The following PDE4B variants were observed in gnomAD, a reference collection of about 807,000 sequenced individuals.
PDE4B encodes the protein phosphodiesterase 4B.
Under a neutral mutation model 82.2 loss-of-function variants are expected in PDE4B, and 20 were observed. That is an observed-to-expected ratio of 0.24 (90% CI 0.17 to 0.35). The LOEUF (loss-of-function observed/expected upper bound fraction) is 0.35, where lower values mean the gene tolerates loss of function less well. Among genes scored for constraint, PDE4B ranks in the 10% least tolerant of loss-of-function variants. The pLI is 1.00. For missense variants in PDE4B, 655 were observed against 907.2 expected (o/e 0.72, Z 3.57); for synonymous variants, 320 against 318.9 (o/e 1.00, Z -0.04).
Position 66,354,149 on chromosome 1 carries a change from A to C in PDE4B, c.748-1378A>C, listed in dbSNP as rs192349862. On this transcript the variant is annotated intron_variant, in intron 8 of 16. Coordinates refer to ENST00000341517, the MANE Select transcript of PDE4B (RefSeq NM_002600.4). The stretch of plus-strand genomic sequence containing the variant: ...AAAAATTCTTGTGTACTGGCAGCCT[A>C]GTCTAAAAACAGCCATGGTCCTAAC... Among the ~76,000 whole-genome samples the C allele has an allele frequency of 9.8e-5, 15 of 152,326 alleles. No individual in the cohort carries two copies. The East Asian group carries it at 2.1e-3, about 22-fold the overall frequency.
At chr1:66,169,372 T>A (rs74084643) in intron 3 of PDE4B, among the ~76,000 whole-genome samples, 3,238 of 152,126 alleles carry the variant, frequency 0.021, 108 homozygotes, top group African/African-American at 0.075. Flanking sequence ...GTCAGGGGAG[T>A]TGGCACCAAA....
chr1:66,134,798 G>A (rs1244804931), intron 3 of PDE4B, among the ~76,000 whole-genome samples: 14 of 152,176 alleles, frequency 9.2e-5, no homozygotes. Context: ...TGTGTGCCAT[G>A]TGCCAAATAC....
chr1:66,176,884 T>G (rs1646941147), intron 3 of PDE4B, among the ~76,000 whole-genome samples: 1 of 152,248 alleles, frequency 6.6e-6, no homozygotes, highest in Non-Finnish European at 1.5e-5. Flanking sequence ...AGTGCTACTC[T>G]CTTTTGCTCT....
chr1:65,808,251 A>G (rs1480284692), intron 1 of PDE4B, among the ~76,000 whole-genome samples: 1 of 150,712 alleles, frequency 6.6e-6, no homozygotes, highest in Non-Finnish European at 1.5e-5. Context: ...AGCTCACTAT[A>G]ACCTTCAACT....
At chr1:66,338,989 A>C (rs1660747556) in intron 8 of PDE4B, among the ~76,000 whole-genome samples, 1 of 148,128 alleles carries the variant, frequency 6.8e-6, no homozygotes, top group African/African-American at 2.5e-5. Flanking sequence ...ACTGCACTCC[A>C]GCCTGGGCGA....
intron 8 of PDE4B, 62 bp downstream of exon 8, chr1:66,332,682 C>T: frequency 6.6e-6 from 9 of 1,368,762 alleles, no homozygotes; most frequent in African/African-American, 1.4e-5. Context: ...GCTCCCCTCA[C>T]CCCTGTCTGC....
intron 8 of PDE4B, among the ~76,000 whole-genome samples, chr1:66,338,584 C>A (rs999088198): frequency 1.3e-5 from 2 of 152,172 alleles, no homozygotes; most frequent in African/African-American, 4.8e-5. Flanking sequence ...TATTTCAGAT[C>A]AATTTGCTCA....
chr1:66,023,101 C>A (rs1653233297), intron 3 of PDE4B, among the ~76,000 whole-genome samples: 1 of 152,002 alleles, frequency 6.6e-6, no homozygotes, highest in Non-Finnish European at 1.5e-5. Flanking sequence ...GGAGAGCTCC[C>A]AATAGCCTCT....
At chr1:66,131,321 G>A (rs1239430492) in intron 3 of PDE4B, among the ~76,000 whole-genome samples, 1 of 151,766 alleles carries the variant, frequency 6.6e-6, no homozygotes, top group East Asian at 1.9e-4. Flanking sequence ...ATTCCACTAA[G>A]CAGCTACTTA....
At chr1:65,918,474 A>G in intron 2 of PDE4B, 123 bp from the exon 3 acceptor site, 1 of 633,992 alleles carries the variant, frequency 1.6e-6, no homozygotes, top group Non-Finnish European at 2.8e-6. Flanking sequence ...TTAGATTCTG[A>G]TTGTGAGATA....
chr1:66,154,846 A>G (rs925850545), intron 3 of PDE4B, among the ~76,000 whole-genome samples: 1 of 152,198 alleles, frequency 6.6e-6, no homozygotes, highest in Non-Finnish European at 1.5e-5. Flanking sequence ...TTGTGGTTGC[A>G]GAATGCAGAC....
chr1:66,175,587 C>T (rs1203560092), intron 3 of PDE4B, among the ~76,000 whole-genome samples: 1 of 152,180 alleles, frequency 6.6e-6, no homozygotes, highest in South Asian at 2.1e-4. Flanking sequence ...ACATTTAAGA[C>T]TTTAAAAAAA....
chr1:66,266,069 T>G lies in PDE4B; in HGVS notation c.616T>G (p.Ser206Ala). Reference protein sequence around the residue: ...RSPAASQPPVSRVNPQEESYQ... With the variant: ...RSPAASQPPVARVNPQEESYQ... ...CCCAGCTGCTAGTCAGCCTCCTGTCTCCAGAGTCAACCCACAAGGTAGGCC... is the reference window on the plus strand; with the variant it reads ...CCCAGCTGCTAGTCAGCCTCCTGTCGCCAGAGTCAACCCACAAGGTAGGCC... The change falls in exon 7 of 17, where the codon TCC becomes GCC. Residue 206 changes from serine to alanine, a missense_variant. Transcript: ENST00000341517. 1.2e-6 allele frequency: 2 copies of G among 1,613,196 alleles called. No homozygotes were observed. The highest frequency in any genetic ancestry group is 1.7e-6 in the Non-Finnish European group (2 of 1,179,178).
intron 7 of PDE4B, among the ~76,000 whole-genome samples, chr1:66,297,940 T>G (rs1657625609): frequency 6.6e-6 from 1 of 152,194 alleles, no homozygotes. Flanking sequence ...ACTAGGTTGG[T>G]GAACAAGGTT....
At chr1:65,931,635 A>G (rs944521714) in intron 3 of PDE4B, among the ~76,000 whole-genome samples, 4 of 152,198 alleles carry the variant, frequency 2.6e-5, no homozygotes, top group African/African-American at 4.8e-5. Context: ...CAATTCAACA[A>G]CAACTCACAG....
chr1:66,083,112 T>C (rs544705013), intron 3 of PDE4B, among the ~76,000 whole-genome samples: 4 of 152,294 alleles, frequency 2.6e-5, no homozygotes, highest in South Asian at 4.1e-4. Context: ...ACAACAGCCT[T>C]CTAGTTAGTG....
intron 3 of PDE4B, among the ~76,000 whole-genome samples, chr1:66,169,889 T>C (rs1291265796): frequency 1.3e-5 from 2 of 152,226 alleles, no homozygotes; most frequent in African/African-American, 4.8e-5. Context: ...TGGCTACAGA[T>C]TGATTTTCTC....
intron 3 of PDE4B, among the ~76,000 whole-genome samples, chr1:65,957,992 T>G (rs1331497557): frequency 1.3e-5 from 2 of 152,102 alleles, no homozygotes; most frequent in African/African-American, 2.4e-5. Context: ...CTTTACTCCT[T>G]TAATTTTTTT....
At chr1:66,261,979 G>A (rs557637024) in intron 6 of PDE4B, among the ~76,000 whole-genome samples, 15 of 152,248 alleles carry the variant, frequency 9.9e-5, no homozygotes, top group African/African-American at 3.1e-4. Flanking sequence ...GAGCAAATAG[G>A]TGTCATTTAT....
Sources: gnomAD v4.1 joint callset for allele counts (sites outside exome capture counted in the v4.1 genomes callset) on GRCh38, gnomAD v4.1.1 for gene constraint, MANE v1.5 for transcripts, NCBI Gene and HGNC (gene_info 2026-07-23, HGNC 2026-07-21) for gene names.